Variants in F8 observed in about 807,000 individuals in gnomAD.
The protein encoded by F8 is coagulation factor VIII.
F8 carries 12 observed loss-of-function variants against 140.6 expected under a neutral mutation model. The observed-to-expected ratio is 0.09, with a 90% confidence interval of 0.05 to 0.14. F8 has a LOEUF of 0.14. F8 is among the 10% of genes least tolerant of loss of function. The pLI is 1.00. For missense variants in F8, 1,354 were observed against 1,720.7 expected, an observed-to-expected ratio of 0.79 and a Z score of 3.77; for synonymous variants, 585 against 614.6, an observed-to-expected ratio of 0.95 and a Z score of 0.71.
chrX:155,001,760 T>C (rs968739015), intron 1 of F8, among the ~76,000 whole-genome samples: 47 of 110,157 alleles, frequency 4.3e-4, no homozygotes, highest in African/African-American at 1.5e-3. Flanking sequence ...CAAATAATAA[T>C]AATTAGCCAG....
At chrX:154,960,994 A>G (rs2073392431) in intron 10 of F8, 81 bp downstream of exon 10, 3 of 676,412 alleles carry the variant, frequency 4.4e-6, no homozygotes, top group Non-Finnish European at 7.2e-6. Flanking sequence ...AAGGACCAAC[A>G]TAATTTTAGT....
intron 25 of F8, among the ~76,000 whole-genome samples, chrX:154,852,133 G>A (rs5986889): frequency 0.012 from 1,394 of 111,586 alleles, 23 homozygotes; most frequent in African/African-American, 0.043. Flanking sequence ...GCAGTGGTGC[G>A]ATCATGGCTC....
intron 6 of F8, among the ~76,000 whole-genome samples, chrX:154,982,307 C>T (rs1312967574): frequency 2.8e-5 from 3 of 106,135 alleles, no homozygotes; most frequent in Non-Finnish European, 5.8e-5. Context: ...ATTAGCCAGT[C>T]GAGGTGGCGG....
chrX:154,966,104 G>A lies in F8; in HGVS notation c.1309C>T (p.Arg437Trp), dbSNP rs2073422011. ...KSQYLNNGPQRIGRKYKKVRF... is the reference protein window; with the variant it reads ...KSQYLNNGPQWIGRKYKKVRF... ...ACTTTTTTGTACTTCCTACCAATCC[G>A]CTGAGGGCCATTGTTCAAATATTGA... Residue 437 changes from arginine (R) to tryptophan (W), a missense_variant, in exon 9 of 26, where the codon CGG becomes TGG. By Grantham distance (101) the Arg-to-Trp change is moderately radical (BLOSUM62 -3). Transcript: ENST00000360256. 3 of 1,210,142 alleles carry A rather than the reference G, an allele frequency of 2.5e-6. No homozygotes were observed. Among genetic ancestry groups the A allele is most frequent in the Non-Finnish European group, 3.4e-6 (3 of 894,592 alleles).
At chrX:154,921,460 A>C (rs1427546826) in intron 14 of F8, among the ~76,000 whole-genome samples, 6 of 112,238 alleles carry the variant, frequency 5.3e-5, no homozygotes, top group Non-Finnish European at 1.1e-4. Flanking sequence ...CCATTGTGGA[A>C]GTCAGTGTGG....
At chrX:154,961,916 A>G (rs1420683963) in intron 9 of F8, among the ~76,000 whole-genome samples, 2 of 111,392 alleles carry the variant, frequency 1.8e-5, no homozygotes, top group Non-Finnish European at 3.8e-5. Flanking sequence ...TCCTGATGAG[A>G]GACCACTGAC....
chrX:154,867,690 C>CAAAAAAAAAAAAAAAAA (rs373471645), intron 22 of F8, among the ~76,000 whole-genome samples: 1 of 41,812 alleles, frequency 2.4e-5, no homozygotes, highest in Non-Finnish European at 4.5e-5. Context: ...GACTCTGTCT[C>CAAAAAAAAAAAAAAAAA]AAAAAAAAAA....
intron 25 of F8, among the ~76,000 whole-genome samples, chrX:154,851,037 C>T (rs1236183167): frequency 6.2e-5 from 7 of 112,155 alleles, no homozygotes; most frequent in African/African-American, 2.3e-4. Context: ...AGATTCAATA[C>T]TTATTAAGAA....
At chrX:154,846,975 C>T (rs1160338604) in intron 25 of F8, among the ~76,000 whole-genome samples, 1 of 111,685 alleles carries the variant, frequency 9.0e-6, no homozygotes, top group African/African-American at 3.3e-5. Flanking sequence ...GTAGGGCAAG[C>T]CTGGTGGTGA....
At chrX:154,877,479 G>C (rs1347710210) in intron 22 of F8, among the ~76,000 whole-genome samples, 2 of 111,373 alleles carry the variant, frequency 1.8e-5, no homozygotes, top group East Asian at 5.6e-4. Context: ...GAAAAGAAAG[G>C]AAAAAGGATC....
At chrX:154,841,014 TAA>T (rs3076842) in intron 25 of F8, among the ~76,000 whole-genome samples, 2,701 of 111,385 alleles carry the variant, frequency 0.024, 30 homozygotes, top group Non-Finnish European at 0.036. Flanking sequence ...GTTTCAGCAA[TAA>T]GAGGTGATTT....
At chrX:154,899,504 G>T (rs1339008980) in intron 21 of F8, among the ~76,000 whole-genome samples, 2 of 112,485 alleles carry the variant, frequency 1.8e-5, no homozygotes, top group East Asian at 5.5e-4. Flanking sequence ...CATGTGGTTT[G>T]CATTTGTGAA....
intron 6 of F8, among the ~76,000 whole-genome samples, chrX:154,972,927 G>A (rs1402831102): frequency 1.8e-5 from 2 of 109,665 alleles, no homozygotes; most frequent in East Asian, 2.9e-4. Context: ...TGGCCAGGCC[G>A]GTCTCAAACT....
chrX:154,861,986 CT>C (rs1557272905), intron 23 of F8, 120 bp from the exon 24 acceptor site: 19 of 837,732 alleles, frequency 2.3e-5, no homozygotes, highest in Middle Eastern at 5.7e-4. Flanking sequence ...CAGGTTTTAA[CT>C]TTTGCACAGA....
intron 6 of F8, among the ~76,000 whole-genome samples, chrX:154,980,510 C>A (rs927246848): frequency 6.0e-4 from 67 of 112,229 alleles, no homozygotes; most frequent in African/African-American, 2.1e-3. Flanking sequence ...GTCACTGGCA[C>A]GATTTTTTGT....
chrX:154,940,999 A>G (rs1223812120), intron 13 of F8, among the ~76,000 whole-genome samples: 1 of 112,049 alleles, frequency 8.9e-6, no homozygotes, highest in East Asian at 2.8e-4. Flanking sequence ...CTGACCTAAG[A>G]GAGCTTCTGA....
chrX:154,958,858 T>G (rs1329571333), intron 10 of F8, among the ~76,000 whole-genome samples: 1 of 111,050 alleles, frequency 9.0e-6, no homozygotes, highest in Non-Finnish European at 1.9e-5. Context: ...TCAAGTGATC[T>G]GCCCGCCTCG....
At chrX:154,978,534 C>T (rs2073499984) in intron 6 of F8, among the ~76,000 whole-genome samples, 1 of 111,572 alleles carries the variant, frequency 9.0e-6, no homozygotes, top group Admixed American at 9.4e-5. Context: ...ACTATAGTCA[C>T]CATGTTGTGC....
Position 154,851,853 on chromosome X carries a change from G to C in F8, c.6900+8579C>G, listed in dbSNP as rs189011229. Among the ~76,000 whole-genome samples the C allele has an allele frequency of 1.7e-3, 189 of 110,918 alleles. 1 individual carries two copies. Among genetic ancestry groups the C allele is most frequent in the Non-Finnish European group, 2.8e-3 (148 of 52,938 alleles). On this transcript the variant is annotated intron_variant, in intron 25 of 25. Coordinates refer to ENST00000360256, the MANE Select transcript of F8 (RefSeq NM_000132.4). ...TGCAATTTTTTTCTCCTATACTGTA[G>C]ATCATCTTTTTACTTTCTTGATAGT...
Sources: gnomAD v4.1 joint callset for allele counts (sites outside exome capture counted in the v4.1 genomes callset) on GRCh38, gnomAD v4.1.1 for gene constraint, MANE v1.5 for transcripts, NCBI Gene and HGNC (gene_info 2026-07-23, HGNC 2026-07-21) for gene names.